Variants in FRMD4B observed in about 807,000 individuals in gnomAD.
The protein encoded by FRMD4B is FERM domain-containing protein 4B.
A neutral mutation model predicts 141.5 loss-of-function variants in FRMD4B; 74 were observed. The ratio of observed to expected loss-of-function variants is 0.52; its 90% CI spans 0.43 to 0.63. FRMD4B has a LOEUF of 0.63. Among genes scored for constraint, FRMD4B ranks in the 30% least tolerant of loss-of-function variants. The pLI, the probability that FRMD4B is intolerant of heterozygous loss-of-function variation, is 0.00. For missense variants in FRMD4B, 1,366 were observed against 1,253.4 expected (o/e 1.09, Z -1.36); for synonymous variants, 506 against 467.9 (o/e 1.08, Z -1.05).
intron 17 of FRMD4B, among the ~76,000 whole-genome samples, chr3:69,191,351 C>T (rs1184323131): frequency 5.9e-5 from 9 of 151,836 alleles, no homozygotes; most frequent in African/African-American, 2.2e-4. Flanking sequence ...ACCTGGGAGG[C>T]GGAGGTTGCA....
chr3:69,439,401 T>TGTGG (rs1705310492), intron 1 of FRMD4B, among the ~76,000 whole-genome samples: 1 of 152,128 alleles, frequency 6.6e-6, no homozygotes, highest in Non-Finnish European at 1.5e-5. Flanking sequence ...GGCAGTACTG[T>TGTGG]GTGGGTATAT....
At chr3:69,520,612 G>A (rs1374301851) in intron 1 of FRMD4B, among the ~76,000 whole-genome samples, 2 of 151,854 alleles carry the variant, frequency 1.3e-5, no homozygotes, top group African/African-American at 4.8e-5. Flanking sequence ...CACCCAAGAA[G>A]AAACCCTTGG....
At chr3:69,465,732 T>C (rs1034622671) in intron 1 of FRMD4B, among the ~76,000 whole-genome samples, 1 of 152,218 alleles carries the variant, frequency 6.6e-6, no homozygotes, top group African/African-American at 2.4e-5. Context: ...CATCCTTTTT[T>C]ATGGCTATAT....
chr3:69,279,684 CT>C (rs2093634703), intron 5 of FRMD4B, among the ~76,000 whole-genome samples: 3 of 46,020 alleles, frequency 6.5e-5, no homozygotes, highest in Non-Finnish European at 5.5e-5. Context: ...CCTCCTCCTC[CT>C]CCTCCCCTCC....
At chr3:69,494,616 G>C (rs1033596943) in intron 1 of FRMD4B, among the ~76,000 whole-genome samples, 1 of 152,208 alleles carries the variant, frequency 6.6e-6, no homozygotes, top group African/African-American at 2.4e-5. Context: ...AATCAGCTGG[G>C]TGCGGTGGCT....
chr3:69,184,445 T>C (rs1360882842), intron 19 of FRMD4B, among the ~76,000 whole-genome samples: 1 of 152,228 alleles, frequency 6.6e-6, no homozygotes. Context: ...CTGCATAGCA[T>C]TTTATTGTAT....
chr3:69,311,861 T>A (rs1701603368), intron 2 of FRMD4B, among the ~76,000 whole-genome samples: 1 of 152,110 alleles, frequency 6.6e-6, no homozygotes, highest in South Asian at 2.1e-4. Context: ...TATGCTGAAC[T>A]TATATCCCAT....
intron 4 of FRMD4B, among the ~76,000 whole-genome samples, chr3:69,296,198 C>T (rs958154795): frequency 5.9e-5 from 9 of 152,164 alleles, no homozygotes; most frequent in Non-Finnish European, 1.2e-4. Context: ...GACAGACAAA[C>T]GCACACATCC....
At chr3:69,469,086 A>G (rs1372100190) in intron 1 of FRMD4B, among the ~76,000 whole-genome samples, 2 of 152,218 alleles carry the variant, frequency 1.3e-5, no homozygotes, top group Non-Finnish European at 2.9e-5. Context: ...CCCTTTAAAA[A>G]TAAAACCCAT....
chr3:69,313,258 C>A (rs533400577), intron 2 of FRMD4B, among the ~76,000 whole-genome samples, 194 bp downstream of exon 2: 5 of 152,338 alleles, frequency 3.3e-5, no homozygotes, highest in African/African-American at 1.2e-4. Context: ...ACATATGGAC[C>A]AAGTTTTCTG....
intron 6 of FRMD4B, 81 bp downstream of exon 6, chr3:69,249,962 C>T: frequency 1.1e-6 from 1 of 912,314 alleles, no homozygotes; most frequent in Non-Finnish European, 1.8e-6. Flanking sequence ...CTGGCCCATG[C>T]AAAAGTTTCA....
At chr3:69,472,428 T>C (rs1250656174) in intron 1 of FRMD4B, 1 of 462,338 alleles carries the variant, frequency 2.2e-6, no homozygotes, top group Non-Finnish European at 4.3e-6. Context: ...GGCCAATAAT[T>C]AATCACTAAA....
intron 1 of FRMD4B, among the ~76,000 whole-genome samples, chr3:69,497,885 T>C (rs1706428735): frequency 6.6e-6 from 1 of 152,212 alleles, no homozygotes; most frequent in African/African-American, 2.4e-5. Context: ...CATGTCTGGC[T>C]GAACTCTTTT....
intron 1 of FRMD4B, among the ~76,000 whole-genome samples, chr3:69,507,378 T>C (rs1559548859): frequency 6.6e-6 from 1 of 152,192 alleles, no homozygotes; most frequent in Non-Finnish European, 1.5e-5. Context: ...TGTGTGTATA[T>C]GTGTAAGTTT....
chr3:69,245,088 A>C (rs534288620), intron 7 of FRMD4B, among the ~76,000 whole-genome samples: 6 of 152,324 alleles, frequency 3.9e-5, no homozygotes, highest in Admixed American at 3.9e-4. Flanking sequence ...TTACAAATGC[A>C]ATATTAATTC....
At chr3:69,273,299 GAGAAGT>G (rs753359965) in intron 5 of FRMD4B, among the ~76,000 whole-genome samples, 1 of 152,204 alleles carries the variant, frequency 6.6e-6, no homozygotes, top group Non-Finnish European at 1.5e-5. Context: ...TCTAAGAGCA[GAGAAGT>G]ATGTCAACCT....
intron 1 of FRMD4B, among the ~76,000 whole-genome samples, chr3:69,472,938 C>CTTTTTTTTTTTTT (rs71618285): frequency 4.6e-5 from 5 of 108,324 alleles, no homozygotes; most frequent in South Asian, 3.2e-4. Flanking sequence ...TTTTTTTTTT[C>CTTTTTTTTTTTTT]TTTTTTTTTT....
intron 7 of FRMD4B, among the ~76,000 whole-genome samples, chr3:69,237,410 C>A (rs1375486578): frequency 1.3e-5 from 2 of 152,278 alleles, no homozygotes; most frequent in African/African-American, 2.4e-5. Context: ...AAAGTGAGAA[C>A]TGAAAGAATT....
intron 2 of FRMD4B, among the ~76,000 whole-genome samples, chr3:69,405,660 G>A (rs1387359242): frequency 1.3e-5 from 2 of 152,192 alleles, no homozygotes; most frequent in Non-Finnish European, 2.9e-5. Flanking sequence ...CCAAGCAAAG[G>A]GAGGAACCAT....
Sources: gnomAD v4.1 joint callset for allele counts (sites outside exome capture counted in the v4.1 genomes callset) on GRCh38, gnomAD v4.1.1 for gene constraint, MANE v1.5 for transcripts, NCBI Gene and HGNC (gene_info 2026-07-23, HGNC 2026-07-21) for gene names.